RAPGEF2: variants seen among roughly 807,000 people sequenced by gnomAD.
RAPGEF2 encodes the protein PDZ domain containing guanine nucleotide exchange factor (GEF) 1.
RAPGEF2 carries 54 observed loss-of-function variants against 186.7 expected under a neutral mutation model. The ratio of observed to expected loss-of-function variants is 0.29; its 90% CI spans 0.23 to 0.36. The LOEUF (loss-of-function observed/expected upper bound fraction) is 0.36, where lower values mean the gene tolerates loss of function less well. Ranked by LOEUF, RAPGEF2 falls within the 10% of genes least tolerant of loss-of-function variation. The pLI is 1.00. For missense variants in RAPGEF2, 1,532 were observed against 2,045.0 expected (o/e 0.75, Z 4.84); for synonymous variants, 712 against 705.9 (o/e 1.01, Z -0.14).
intron 1 of RAPGEF2, among the ~76,000 whole-genome samples, chr4:159,104,515 A>AGAGAGAGAGAGAGAGAGAGAGAGG (rs1560964586): frequency 6.9e-5 from 9 of 130,396 alleles, no homozygotes; most frequent in African/African-American, 2.7e-4. Flanking sequence ...AGAGAGAGAG[A>AGAGAGAGAGAGAGAGAGAGAGAGG]GAGAGAGAGA....
chr4:159,140,628 A>G (rs1453039905), intron 1 of RAPGEF2, among the ~76,000 whole-genome samples: 2 of 152,188 alleles, frequency 1.3e-5, no homozygotes, highest in African/African-American at 4.8e-5. Context: ...CCGGGGGATC[A>G]AGATGAGGAA....
chr4:159,288,332 T>C (rs982218616), intron 7 of RAPGEF2, among the ~76,000 whole-genome samples: 1 of 152,210 alleles, frequency 6.6e-6, no homozygotes, highest in African/African-American at 2.4e-5. Flanking sequence ...ATTTGTGATA[T>C]ATACCTAATC....
intron 3 of RAPGEF2, among the ~76,000 whole-genome samples, chr4:159,204,755 G>T (rs1278427373): frequency 6.6e-6 from 1 of 152,102 alleles, no homozygotes; most frequent in African/African-American, 2.4e-5. Context: ...TGTCCATTGT[G>T]GTTCCTAGCT....
chr4:159,175,228 G>A (rs117025031), intron 1 of RAPGEF2, among the ~76,000 whole-genome samples: 2 of 152,206 alleles, frequency 1.3e-5, no homozygotes, highest in East Asian at 3.9e-4. Context: ...AAATTAGTAA[G>A]TTCAGAAACA....
intron 7 of RAPGEF2, among the ~76,000 whole-genome samples, chr4:159,248,134 G>A (rs1278926885): frequency 1.3e-5 from 2 of 152,046 alleles, no homozygotes; most frequent in African/African-American, 2.4e-5. Context: ...TGCTTTGTGG[G>A]CAGTACTTTC....
chr4:159,350,056 C>T (rs1204858225), intron 25 of RAPGEF2, 81 bp from the exon 26 acceptor site: 1 of 975,128 alleles, frequency 1.0e-6, no homozygotes, highest in Non-Finnish European at 1.4e-6. Flanking sequence ...AATCTTAACA[C>T]AAAAAAGTTT....
At chr4:159,238,019 T>TAA (rs111836930) in intron 4 of RAPGEF2, among the ~76,000 whole-genome samples, 2 of 145,294 alleles carry the variant, frequency 1.4e-5, no homozygotes, top group African/African-American at 5.0e-5. Context: ...CCTTGTCTCT[T>TAA]AAAAAAAAAA....
chr4:159,244,347 T>G (rs1449036192), intron 7 of RAPGEF2, among the ~76,000 whole-genome samples: 1 of 151,922 alleles, frequency 6.6e-6, no homozygotes, highest in Non-Finnish European at 1.5e-5. Flanking sequence ...GCACTTTATT[T>G]TTAACAAGGT....
At chr4:159,112,191 A>G (rs1738570486) in intron 1 of RAPGEF2, among the ~76,000 whole-genome samples, 1 of 152,232 alleles carries the variant, frequency 6.6e-6, no homozygotes, top group African/African-American at 2.4e-5. Flanking sequence ...TGCTTCTAAA[A>G]TACCAATAAT....
intron 7 of RAPGEF2, among the ~76,000 whole-genome samples, chr4:159,294,899 G>T (rs118047780): frequency 6.6e-6 from 1 of 152,092 alleles, no homozygotes; most frequent in Non-Finnish European, 1.5e-5. Context: ...CACCGTGTTC[G>T]TCAGGCTGGT....
intron 13 of RAPGEF2, among the ~76,000 whole-genome samples, chr4:159,331,149 T>G (rs77041249): frequency 6.6e-6 from 1 of 152,234 alleles, no homozygotes; most frequent in African/African-American, 2.4e-5. Flanking sequence ...TGCTTTTATT[T>G]TGATCTGTTT....
At chr4:159,214,536 A>C (rs1428928837) in intron 4 of RAPGEF2, among the ~76,000 whole-genome samples, 1 of 152,232 alleles carries the variant, frequency 6.6e-6, no homozygotes, top group Non-Finnish European at 1.5e-5. Flanking sequence ...ATATTTAAAA[A>C]ATTGTAATAG....
intron 23 of RAPGEF2, 25 bp downstream of exon 23, chr4:159,344,084 C>G (rs1322323857): frequency 6.6e-7 from 1 of 1,524,370 alleles, no homozygotes; most frequent in African/African-American, 1.4e-5. Flanking sequence ...CCTTGCATAC[C>G]CACACACAGT....
intron 5 of RAPGEF2, 135 bp from the exon 6 acceptor site, chr4:159,241,066 T>G (rs1426484560): frequency 3.0e-6 from 2 of 655,836 alleles, no homozygotes; most frequent in African/African-American, 3.7e-5. Flanking sequence ...ACACTTGAAG[T>G]TTGTCTAGAT....
intron 7 of RAPGEF2, among the ~76,000 whole-genome samples, chr4:159,253,139 A>G (rs949775916): frequency 6.6e-6 from 1 of 152,238 alleles, no homozygotes; most frequent in African/African-American, 2.4e-5. Flanking sequence ...GTAGTTGGAA[A>G]AGGGAAGAGT....
chr4:159,236,463 T>C (rs929098613), intron 4 of RAPGEF2, among the ~76,000 whole-genome samples: 3 of 152,242 alleles, frequency 2.0e-5, no homozygotes, highest in African/African-American at 7.2e-5. Context: ...ATAACAGTTA[T>C]ATAGTTTATT....
chr4:159,258,304 T>C (rs1236676240), intron 7 of RAPGEF2, among the ~76,000 whole-genome samples: 1 of 152,230 alleles, frequency 6.6e-6, no homozygotes, highest in Non-Finnish European at 1.5e-5. Context: ...AATGCTGTTA[T>C]CTTAAACTCA....
intron 7 of RAPGEF2, among the ~76,000 whole-genome samples, chr4:159,246,822 C>G (rs2111494567): frequency 1.3e-5 from 2 of 152,152 alleles, no homozygotes; most frequent in Middle Eastern, 6.8e-3. Flanking sequence ...GTATTTGCTA[C>G]TTAAGAGGGT....
chr4:159,250,325 AAAT>A (rs1018848743), intron 7 of RAPGEF2, among the ~76,000 whole-genome samples: 108 of 152,316 alleles, frequency 7.1e-4, no homozygotes, highest in African/African-American at 2.5e-3. Context: ...GGAAAAATAA[AAAT>A]AATAATAATT....
Sources: gnomAD v4.1 joint callset for allele counts (sites outside exome capture counted in the v4.1 genomes callset) on GRCh38, gnomAD v4.1.1 for gene constraint, MANE v1.5 for transcripts, NCBI Gene and HGNC (gene_info 2026-07-23, HGNC 2026-07-21) for gene names.